Variants in RALGAPA1 observed in about 807,000 individuals in gnomAD.
The protein encoded by RALGAPA1 is ral GTPase-activating protein subunit alpha-1.
In RALGAPA1, 52 loss-of-function variants were observed where a neutral mutation model predicts 269.6. That is an observed-to-expected ratio of 0.19 (90% CI 0.15 to 0.24). The LOEUF (loss-of-function observed/expected upper bound fraction) is 0.24, where lower values mean the gene tolerates loss of function less well. Among genes scored for constraint, RALGAPA1 ranks in the 10% least tolerant of loss-of-function variants. The probability of loss-of-function intolerance (pLI) is 1.00; values close to 1 mark genes in which losing one functional copy is unlikely to be tolerated. For missense variants in RALGAPA1, 1,917 were observed against 3,013.9 expected, an observed-to-expected ratio of 0.64 and a Z score of 8.52; for synonymous variants, 817 against 1,008.3, an observed-to-expected ratio of 0.81 and a Z score of 3.60.
intron 1 of RALGAPA1, among the ~76,000 whole-genome samples, chr14:35,806,207 T>C (rs2077368428): frequency 6.6e-6 from 1 of 152,232 alleles, no homozygotes; most frequent in South Asian, 2.1e-4. Flanking sequence ...CACTTTTTAT[T>C]TTTATATCAA....
chr14:35,799,734 CT>C (rs2076841505), intron 1 of RALGAPA1, among the ~76,000 whole-genome samples: 1 of 151,998 alleles, frequency 6.6e-6, no homozygotes, highest in Admixed American at 6.6e-5. Context: ...AGATGACAAA[CT>C]CAAACCTAAC....
chr14:35,761,157 G>C, intron 5 of RALGAPA1, 151 bp from the exon 6 acceptor site: 1 of 533,898 alleles, frequency 1.9e-6, no homozygotes, highest in Non-Finnish European at 3.3e-6. Flanking sequence ...AAGAGAGACA[G>C]CATCTATTGA....
intron 12 of RALGAPA1, among the ~76,000 whole-genome samples, chr14:35,735,498 G>C (rs536058575): frequency 6.6e-6 from 1 of 152,208 alleles, no homozygotes; most frequent in African/African-American, 2.4e-5. Context: ...TGATATGTGG[G>C]AGCTAAGCTA....
intron 28 of RALGAPA1, among the ~76,000 whole-genome samples, chr14:35,657,802 C>T (rs1329062524): frequency 6.6e-6 from 1 of 151,664 alleles, no homozygotes; most frequent in Non-Finnish European, 1.5e-5. Flanking sequence ...TGAAGACAAA[C>T]TGCCAGGGTT....
chr14:35,562,761 C>G (rs893586044), intron 39 of RALGAPA1, among the ~76,000 whole-genome samples: 5 of 152,016 alleles, frequency 3.3e-5, no homozygotes, highest in African/African-American at 1.2e-4. Flanking sequence ...GTGGCTCACA[C>G]CTGTAATCCC....
intron 37 of RALGAPA1, among the ~76,000 whole-genome samples, chr14:35,586,777 TG>T (rs772783331): frequency 6.5e-4 from 99 of 152,372 alleles, no homozygotes; most frequent in Non-Finnish European, 1.3e-3. Flanking sequence ...GATTTGTGTA[TG>T]TTGAACCAGC....
intron 39 of RALGAPA1, among the ~76,000 whole-genome samples, chr14:35,561,048 T>G (rs1490675326): frequency 6.6e-6 from 1 of 151,406 alleles, no homozygotes; most frequent in Non-Finnish European, 1.5e-5. Context: ...GCCAACATGG[T>G]GAAACCCTGT....
chr14:35,552,363 G>A (rs909221991), intron 39 of RALGAPA1, among the ~76,000 whole-genome samples: 2 of 152,094 alleles, frequency 1.3e-5, no homozygotes, highest in African/African-American at 2.4e-5. Flanking sequence ...CATTATAATA[G>A]GTTAGACACT....
At chr14:35,547,210 A>G (rs898030695) in intron 41 of RALGAPA1, among the ~76,000 whole-genome samples, 1 of 151,884 alleles carries the variant, frequency 6.6e-6, no homozygotes, top group Non-Finnish European at 1.5e-5. Flanking sequence ...TTAGACAATC[A>G]TAAGTGTTAT....
chr14:35,776,001 C>T (rs1443874971), intron 1 of RALGAPA1, among the ~76,000 whole-genome samples: 1 of 151,888 alleles, frequency 6.6e-6, no homozygotes, highest in East Asian at 1.9e-4. Context: ...TTAATCATAC[C>T]AAAAAAAGAA....
At chr14:35,782,502 C>T (rs921633120) in intron 1 of RALGAPA1, among the ~76,000 whole-genome samples, 3 of 152,178 alleles carry the variant, frequency 2.0e-5, no homozygotes, top group East Asian at 1.9e-4. Context: ...ATCTCGATCT[C>T]GGCTCATTGC....
intron 33 of RALGAPA1, among the ~76,000 whole-genome samples, chr14:35,630,805 A>G (rs564244289): frequency 1.3e-5 from 2 of 152,250 alleles, no homozygotes; most frequent in Admixed American, 6.5e-5. Context: ...TGGCAGGCGG[A>G]GGTTGCAGTG....
At chr14:35,570,535 G>T in intron 39 of RALGAPA1, 82 bp downstream of exon 39, 2 of 1,108,264 alleles carry the variant, frequency 1.8e-6, no homozygotes, top group Non-Finnish European at 2.5e-6. Flanking sequence ...AAAATAAAAG[G>T]CTTTAACAAT....
At chr14:35,700,078 G>T in intron 17 of RALGAPA1, 84 bp downstream of exon 17, 1 of 1,212,524 alleles carries the variant, frequency 8.2e-7, no homozygotes, top group South Asian at 1.7e-5. Flanking sequence ...TAACTTTAAA[G>T]AGTTTATTTG....
At chr14:35,566,767 T>A (rs1177252493) in intron 39 of RALGAPA1, among the ~76,000 whole-genome samples, 1 of 151,332 alleles carries the variant, frequency 6.6e-6, no homozygotes, top group Non-Finnish European at 1.5e-5. Flanking sequence ...AATACAAATG[T>A]CTAGTTGTAG....
chr14:35,644,537 C>A (rs1038328233), intron 31 of RALGAPA1, among the ~76,000 whole-genome samples: 28 of 152,186 alleles, frequency 1.8e-4, no homozygotes, highest in African/African-American at 6.7e-4. Flanking sequence ...ATTTTTCAAA[C>A]AATAATCTCT....
At chr14:35,699,873 G>C (rs1168430733) in intron 17 of RALGAPA1, among the ~76,000 whole-genome samples, 3 of 139,340 alleles carry the variant, frequency 2.2e-5, no homozygotes, top group Non-Finnish European at 4.6e-5. Flanking sequence ...AACCACCTGA[G>C]AGGAAGAAAA....
At chr14:35,570,477 A>C (rs1219552675) in intron 39 of RALGAPA1, 140 bp downstream of exon 39, 2 of 705,064 alleles carry the variant, frequency 2.8e-6, no homozygotes, top group African/African-American at 3.8e-5. Flanking sequence ...CCCGGGAAAC[A>C]TAATGATACT....
intron 4 of RALGAPA1, among the ~76,000 whole-genome samples, chr14:35,769,022 A>AAG (rs2074379826): frequency 3.1e-5 from 3 of 97,432 alleles, no homozygotes; most frequent in African/African-American, 1.4e-4. Context: ...AAAAAAAAAA[A>AAG]AAAAAAAAAA....
Sources: gnomAD v4.1 joint callset for allele counts (sites outside exome capture counted in the v4.1 genomes callset) on GRCh38, gnomAD v4.1.1 for gene constraint, MANE v1.5 for transcripts, NCBI Gene and HGNC (gene_info 2026-07-23, HGNC 2026-07-21) for gene names.